IMPG2: variants seen among roughly 807,000 people sequenced by gnomAD.
IMPG2 encodes interphotoreceptor matrix proteoglycan 2.
Under a neutral mutation model 129.2 loss-of-function variants are expected in IMPG2, and 91 were observed. The observed-to-expected ratio is 0.70, with a 90% CI of 0.59 to 0.84. IMPG2 has a LOEUF of 0.84. Ranked by LOEUF, IMPG2 falls within the 40% of genes least tolerant of loss-of-function variation. IMPG2 has a pLI of 0.00. For synonymous variants in IMPG2, 510 were observed against 517.7 expected (o/e 0.99, Z 0.20); for missense variants, 1,430 against 1,461.7 (o/e 0.98, Z 0.35).
intron 3 of IMPG2, among the ~76,000 whole-genome samples, chr3:101,300,567 C>T (rs536045539): frequency 1.2e-3 from 183 of 152,332 alleles, no homozygotes; most frequent in African/African-American, 4.3e-3. Flanking sequence ...TGCACAGTTC[C>T]GTGGAAAAAG....
At chr3:101,297,351 T>C (rs1441014571) in intron 3 of IMPG2, among the ~76,000 whole-genome samples, 1 of 152,294 alleles carries the variant, frequency 6.6e-6, no homozygotes, top group Admixed American at 6.5e-5. Flanking sequence ...AACCAGCTCC[T>C]GGATTAATTG....
rs761167704 is a variant in IMPG2 at position 101,230,925 on chromosome 3, T to C, written c.3422+32A>G. 22 of 1,579,194 alleles carry C rather than the reference T, an allele frequency of 1.4e-5. No homozygotes were observed. In the African/African-American group the frequency reaches 2.8e-4, roughly 20 times the overall value. The stretch of plus-strand genomic sequence containing the variant: ...AAATAAATGTGTAAATGGAACATTG[T>C]ATTCCATTAGAGAGCTCTTTTCCTT... On this transcript the variant is annotated intron_variant, in intron 16 of 18. Coordinates refer to ENST00000193391, the MANE Select transcript of IMPG2 (RefSeq NM_016247.4).
chr3:101,294,493 T>C lies in IMPG2; in HGVS notation c.502-2983A>G, dbSNP rs551962065. ...ACGTTTTCTTTATCCAGTCTCTCAT[T>C]GATGGGCATTTGGATTGGTTCCATG... On this transcript the variant is annotated intron_variant, in intron 3 of 18. Coordinates refer to ENST00000193391, the MANE Select transcript of IMPG2 (RefSeq NM_016247.4). 2.0e-5 allele frequency among the ~76,000 whole-genome samples: 3 copies of C among 152,350 alleles called. No individual in the cohort carries two copies. In the South Asian group the frequency reaches 6.2e-4, roughly 32 times the overall value.
chr3:101,314,110 C>T (rs900031517), intron 2 of IMPG2, among the ~76,000 whole-genome samples: 1 of 152,070 alleles, frequency 6.6e-6, no homozygotes, highest in African/African-American at 2.4e-5. Context: ...TTGGGATCTA[C>T]AATGGCCCTA....
At chr3:101,302,345 G>A (rs1464487192) in intron 3 of IMPG2, among the ~76,000 whole-genome samples, 6 of 151,976 alleles carry the variant, frequency 3.9e-5, no homozygotes, top group Non-Finnish European at 5.9e-5. Context: ...CCTATATTGC[G>A]GACATAATTA....
At position 101,229,155 on chromosome 3, in the gene IMPG2, C is replaced by T. The variant is rs941776281; in HGVS notation, c.3633+225G>A. Among the ~76,000 whole-genome samples, 5 of 143,304 alleles carry T rather than the reference C, an allele frequency of 3.5e-5. No homozygotes were observed. The East Asian group carries it at 9.9e-4, about 28-fold the overall frequency. The allele number at this position is 143,304 out of a possible 152,430, so 94.0% of individuals were successfully genotyped here. A position where few individuals can be genotyped will look rare whatever the true frequency, so the allele number is the denominator to read the frequency against. On this transcript the variant is annotated intron_variant, in intron 17 of 18. Coordinates refer to ENST00000193391, the MANE Select transcript of IMPG2 (RefSeq NM_016247.4). ...TAATAACGCAAAAAAAAAAAAAAAGCGCCATTGTGGGGGAAATAAGGTACC... is the reference window on the plus strand; with the variant it reads ...TAATAACGCAAAAAAAAAAAAAAAGTGCCATTGTGGGGGAAATAAGGTACC...
chr3:101,257,249 C>T (rs1227481161), intron 10 of IMPG2, among the ~76,000 whole-genome samples: 1 of 152,038 alleles, frequency 6.6e-6, no homozygotes, highest in Non-Finnish European at 1.5e-5. Flanking sequence ...CTTCCAAGTA[C>T]TACTTTCCTT....
chr3:101,278,448 A>G (rs1031269030), intron 4 of IMPG2, among the ~76,000 whole-genome samples: 1 of 152,282 alleles, frequency 6.6e-6, no homozygotes, highest in African/African-American at 2.4e-5. Flanking sequence ...CATGGCACAC[A>G]CTTTGAGGCA....
At chr3:101,269,070 A>G (rs1036031739) in intron 8 of IMPG2, among the ~76,000 whole-genome samples, 2 of 152,204 alleles carry the variant, frequency 1.3e-5, no homozygotes, top group African/African-American at 4.8e-5. Flanking sequence ...AATGTCTTTA[A>G]AAGAGGTGTC....
intron 15 of IMPG2, 33 bp from the exon 16 acceptor site, chr3:101,231,178 A>G (rs1303893412): frequency 2.5e-6 from 4 of 1,604,304 alleles, no homozygotes; most frequent in Non-Finnish European, 3.4e-6. Context: ...CCGATATCTG[A>G]ATCACTCTGC....
At chr3:101,266,533 C>A (rs936272861) in intron 9 of IMPG2, among the ~76,000 whole-genome samples, 2 of 152,176 alleles carry the variant, frequency 1.3e-5, no homozygotes, top group African/African-American at 2.4e-5. Context: ...ACCATGTACT[C>A]CTTTACCCCA....
chr3:101,236,506 C>T (rs1460766517), intron 14 of IMPG2, among the ~76,000 whole-genome samples: 1 of 152,080 alleles, frequency 6.6e-6, no homozygotes, highest in Non-Finnish European at 1.5e-5. Context: ...GTACCTGGCT[C>T]ATCTCATTGG....
At position 101,245,995 on chromosome 3, in the gene IMPG2, C is replaced by G. The variant is rs760477475; in HGVS notation, c.1350G>C (p.Trp450Cys). 1 of 1,614,092 alleles carries G rather than the reference C, an allele frequency of 6.2e-7. No individual in the cohort carries two copies. Among genetic ancestry groups the G allele is most frequent in the South Asian group, 1.1e-5 (1 of 91,074 alleles). ...GPPSATGREL[W>C]SESPLGDLVS... Reference sequence around the variant, plus strand: ...CTAAATCACCCAAAGGACTTTCTGACCAGAGTTCCCTGCCAGTGGCTGAGG... The same window carrying G: ...CTAAATCACCCAAAGGACTTTCTGAGCAGAGTTCCCTGCCAGTGGCTGAGG... Residue 450 changes from tryptophan (W) to cysteine (C), a missense_variant, in exon 12 of 19, where the codon TGG becomes TGC. Trp to Cys is a radical substitution (Grantham distance 215, BLOSUM62 -2). Transcript: ENST00000193391.
intron 8 of IMPG2, 27 bp downstream of exon 8, chr3:101,269,488 T>C (rs1367995929): frequency 7.7e-7 from 1 of 1,292,678 alleles, no homozygotes; most frequent in Admixed American, 1.7e-5. Context: ...CTACTGAAAA[T>C]GTGCATATTT....
At chr3:101,316,836 A>T (rs1172533452) in intron 2 of IMPG2, among the ~76,000 whole-genome samples, 1 of 152,132 alleles carries the variant, frequency 6.6e-6, no homozygotes, top group East Asian at 1.9e-4. Flanking sequence ...AAACAACCCA[A>T]ATATCCCATA....
chr3:101,260,645 A>G (rs746315556), intron 9 of IMPG2, among the ~76,000 whole-genome samples: 1 of 151,944 alleles, frequency 6.6e-6, no homozygotes, highest in East Asian at 1.9e-4. Flanking sequence ...TCCTGTTATT[A>G]CCTCCCAACC....
intron 9 of IMPG2, among the ~76,000 whole-genome samples, chr3:101,262,944 A>G (rs994602555): frequency 3.9e-5 from 6 of 152,036 alleles, no homozygotes; most frequent in Non-Finnish European, 7.4e-5. Context: ...AGTTGAAAAA[A>G]GAGACAAAGA....
chr3:101,257,441 A>C, intron 10 of IMPG2, 88 bp downstream of exon 10: 1 of 1,509,060 alleles, frequency 6.6e-7, no homozygotes. Flanking sequence ...GAATGGTCAG[A>C]ACCTTATATA....
At chr3:101,302,477 G>C (rs549089687) in intron 3 of IMPG2, among the ~76,000 whole-genome samples, 35 of 152,290 alleles carry the variant, frequency 2.3e-4, no homozygotes, top group African/African-American at 8.4e-4. Flanking sequence ...GATTGAGAAA[G>C]GAGGCCCAAT....
Sources: allele counts gnomAD v4.1 joint callset (sites outside exome capture counted in the v4.1 genomes callset), GRCh38; gene constraint gnomAD v4.1.1; transcripts MANE v1.5; gene names NCBI Gene and HGNC (gene_info 2026-07-23, HGNC 2026-07-21).